Variants in COL4A3 observed in about 807,000 individuals in gnomAD.
COL4A3 encodes collagen type IV alpha 3 chain.
Under a neutral mutation model 217.4 loss-of-function variants are expected in COL4A3, and 135 were observed. The observed-to-expected ratio is 0.62, with a 90% confidence interval of 0.54 to 0.72. The LOEUF is 0.72. Among genes scored for constraint, COL4A3 ranks in the 30% least tolerant of loss-of-function variants. The pLI is 0.00. For synonymous variants in COL4A3, 690 were observed against 736.3 expected (o/e 0.94, Z 1.02); for missense variants, 1,868 against 2,119.9 (o/e 0.88, Z 2.33).
At chr2:227,311,023 C>A in intron 51 of COL4A3, 75 bp downstream of exon 51, 1 of 1,514,116 alleles carries the variant, frequency 6.6e-7, no homozygotes, top group South Asian at 1.1e-5. Context: ...GTTCTTGGGT[C>A]AACGAGTAGC....
chr2:227,170,669 A>G (rs144394374), intron 1 of COL4A3, among the ~76,000 whole-genome samples: 33 of 152,284 alleles, frequency 2.2e-4, no homozygotes, highest in African/African-American at 7.5e-4. Context: ...CAGCCAAACC[A>G]TATCACCAGC....
chr2:227,164,696 G>A lies in COL4A3; in HGVS notation c.-31G>A. Reference sequence around the variant, plus strand: ...TGGCCTGAGAGCCTGAGGGTCCCCGGACTCGCCCAGGCTCTGAGCGCGCGC... The same window carrying A: ...TGGCCTGAGAGCCTGAGGGTCCCCGAACTCGCCCAGGCTCTGAGCGCGCGC... On this transcript the variant is annotated 5_prime_UTR_variant, in exon 1 of 52. Coordinates refer to ENST00000396578, the MANE Select transcript of COL4A3 (RefSeq NM_000091.5). The surrounding 1 kb of genome is among the most constrained non-coding windows in gnomAD (Gnocchi z 4.8). 6.5e-7 allele frequency: 1 copy of A among 1,530,072 alleles called. No individual in the cohort carries two copies. Among genetic ancestry groups the A allele is most frequent in the Non-Finnish European group, 8.7e-7 (1 of 1,145,044 alleles). The allele number at this position is 1,530,072 out of a possible 1,614,324, so 94.8% of individuals were successfully genotyped here.
At chr2:227,222,121 T>TATA (rs2067821011) in intron 1 of COL4A3, among the ~76,000 whole-genome samples, 1 of 107,490 alleles carries the variant, frequency 9.3e-6, no homozygotes, top group South Asian at 3.5e-4. Context: ...AGACACTGTC[T>TATA]CTAATAATAA....
At chr2:227,279,724 G>T in intron 28 of COL4A3, 69 bp from the exon 29 acceptor site, 2 of 1,069,248 alleles carry the variant, frequency 1.9e-6, no homozygotes, top group South Asian at 2.9e-5. Flanking sequence ...TGAGAGATAA[G>T]AGAGTTACTG....
chr2:227,302,846 T>C (rs1231044822), intron 43 of COL4A3, among the ~76,000 whole-genome samples, 192 bp from the exon 44 acceptor site: 8 of 152,100 alleles, frequency 5.3e-5, no homozygotes, highest in South Asian at 4.1e-4. Flanking sequence ...TTTAAAACGA[T>C]AGTCCTAAGG....
intron 1 of COL4A3, among the ~76,000 whole-genome samples, chr2:227,207,567 T>C (rs1352052516): frequency 2.6e-5 from 4 of 152,136 alleles, no homozygotes; most frequent in Non-Finnish European, 5.9e-5. Context: ...TGCTTCACTT[T>C]TGGAGCAGAA....
rs1429805281 is a variant in COL4A3 at position 227,284,316 on chromosome 2, T to C, written c.2852T>C (p.Ile951Thr). The change falls in exon 34 of 52, where the codon ATA becomes ACA. Residue 951 changes from isoleucine to threonine, a missense_variant. By Grantham distance (89) the Ile-to-Thr change is moderately conservative. Around this residue, in one of 2 missense-constraint regions of COL4A3, gnomAD observed 1,503 missense variants for 1,786.1 expected, o/e 0.84. Coordinates refer to ENST00000396578, the MANE Select transcript of COL4A3 (RefSeq NM_000091.5). ...NPGPSEISHV[I>T]GDKGEPGLKG... ...GGGCCTTCAGAGATATCCCACGTAA[T>C]AGGGGACAAAGGAGAACCAGGTCTC... The C allele has an allele frequency of 2.5e-6, 4 of 1,613,804 alleles. No individual in the cohort carries two copies. The highest frequency in any genetic ancestry group is 1.7e-6 in the Non-Finnish European group (2 of 1,179,988).
In COL4A3 at chr2:227,282,703, G is replaced by A. The variant is rs762871444; in HGVS notation, c.2656+171G>A. On this transcript the variant is annotated intron_variant, in intron 32 of 51. Transcript: ENST00000396578. This position sits in a 1 kb window ranked among gnomAD's most constrained non-coding sequence, Gnocchi z 4.4. ...GGCCATGGTGCAGGGAAACGGTGGC[G>A]GCAGGATGAACAATTACCCAGAATG... Among the ~76,000 whole-genome samples, 12 of 152,242 alleles carry A rather than the reference G, an allele frequency of 7.9e-5. No individual in the cohort carries two copies. The highest frequency in any genetic ancestry group is 2.1e-4 in the South Asian group (1 of 4,822).
At chr2:227,215,920 A>G (rs1559834500) in intron 1 of COL4A3, among the ~76,000 whole-genome samples, 1 of 152,230 alleles carries the variant, frequency 6.6e-6, no homozygotes, top group Non-Finnish European at 1.5e-5. Flanking sequence ...GGGTGTTTAC[A>G]TGCTACAACA....
chr2:227,186,682 T>A (rs2066044604), intron 1 of COL4A3, among the ~76,000 whole-genome samples: 1 of 152,118 alleles, frequency 6.6e-6, no homozygotes, highest in Admixed American at 6.5e-5. Context: ...AGAGTGTAGA[T>A]CATCTGTTTT....
At chr2:227,295,976 T>C (rs966923108) in intron 41 of COL4A3, among the ~76,000 whole-genome samples, 2 of 152,240 alleles carry the variant, frequency 1.3e-5, no homozygotes, top group African/African-American at 4.8e-5. Flanking sequence ...GCACATTTCA[T>C]TGACCCGTCT....
At chr2:227,252,599 C>G (rs1574696155) in intron 11 of COL4A3, among the ~76,000 whole-genome samples, 1 of 145,704 alleles carries the variant, frequency 6.9e-6, no homozygotes, top group East Asian at 1.9e-4. Context: ...CACACACACA[C>G]ACACACACAC....
At chr2:227,241,314 A>C (rs747186280) in intron 3 of COL4A3, among the ~76,000 whole-genome samples, 5 of 152,212 alleles carry the variant, frequency 3.3e-5, no homozygotes. Context: ...AAACCAACTA[A>C]TAAGCTATGA....
rs188967260 is a variant in COL4A3 at position 227,269,921 on chromosome 2, G to A, written c.1516G>A (p.Ala506Thr). 9.2e-5 allele frequency: 149 copies of A among 1,613,822 alleles called. No homozygotes were observed. In the African/African-American group the frequency reaches 1.4e-3, roughly 15 times the overall value. The part of the protein sequence containing the change: ...GVKGIPGRQG[A>T]AGLKGSPGSP... Reference sequence around the variant, plus strand: ...TCGTTGATTTGCAGGAAGACAAGGCGCAGCTGGCTTGAAAGGAAGCCCAGG... The same window carrying A: ...TCGTTGATTTGCAGGAAGACAAGGCACAGCTGGCTTGAAAGGAAGCCCAGG... Residue 506 changes from alanine (A) to threonine (T), a missense_variant, in exon 24 of 52, where the codon GCA becomes ACA. Transcript: ENST00000396578.
At chr2:227,302,498 G>A (rs779323541) in intron 43 of COL4A3, among the ~76,000 whole-genome samples, 12 of 151,828 alleles carry the variant, frequency 7.9e-5, no homozygotes, top group South Asian at 6.2e-4. Context: ...CCAACATGGC[G>A]AAACCCTGTC....
At position 227,239,139 on chromosome 2, in the gene COL4A3, T is replaced by C. The variant is rs531328987; in HGVS notation, c.145-1004T>C. 1.3e-3 allele frequency among the ~76,000 whole-genome samples: 195 copies of C among 152,304 alleles called. 1 individual carries two copies. The highest frequency in any genetic ancestry group is 4.3e-3 in the African/African-American group (179 of 41,556). On this transcript the variant is annotated intron_variant, in intron 2 of 51. Transcript: ENST00000396578. ...GTTGAAGAGTACAGTCGGCCCTCCT[T>C]ATCCACGGTTTCTGAATCCTCAGAA... is the stretch of plus-strand genomic sequence containing the variant.
intron 14 of COL4A3, among the ~76,000 whole-genome samples, chr2:227,254,400 G>A (rs112377228): frequency 6.6e-5 from 10 of 152,024 alleles, no homozygotes; most frequent in Middle Eastern, 3.4e-3. Flanking sequence ...GTTATTTTAC[G>A]GCCACTCCTA....
rs1248227794 is a variant in COL4A3 at position 227,250,924 on chromosome 2, G to T, written c.547-216G>T. Among the ~76,000 whole-genome samples, 1 of 152,150 alleles carries T rather than the reference G, an allele frequency of 6.6e-6. No homozygotes were observed. Among genetic ancestry groups the T allele is most frequent in the Non-Finnish European group, 1.5e-5 (1 of 68,026 alleles). ...ACGTCTGAAGTAAAGCAACTACTTTGGTCATTTTAGAAATGTTATCGTCCA... is the reference window on the plus strand; with the variant it reads ...ACGTCTGAAGTAAAGCAACTACTTTTGTCATTTTAGAAATGTTATCGTCCA... On this transcript the variant is annotated intron_variant, in intron 9 of 51. Coordinates refer to ENST00000396578, the MANE Select transcript of COL4A3 (RefSeq NM_000091.5). The surrounding 1 kb of genome is among the most constrained non-coding windows in gnomAD (Gnocchi z 4.1).
In COL4A3 at chr2:227,191,642, T is replaced by G. The variant is rs2066246898; in HGVS notation, c.87+26829T>G. ...CCAAATAACTCATCTTGGAGACAGATGTAGCTGAAGTTTTACATTATGGCC... is the reference window on the plus strand; with the variant it reads ...CCAAATAACTCATCTTGGAGACAGAGGTAGCTGAAGTTTTACATTATGGCC... On this transcript the variant is annotated intron_variant, in intron 1 of 51. Transcript: ENST00000396578. The surrounding 1 kb of genome is among the most constrained non-coding windows in gnomAD (Gnocchi z 6.8). 6.6e-6 allele frequency among the ~76,000 whole-genome samples: 1 copy of G among 152,244 alleles called. No homozygotes were observed. Among genetic ancestry groups the G allele is most frequent in the Admixed American group, 6.5e-5 (1 of 15,288 alleles).
Sources: gnomAD v4.1 joint callset for allele counts (sites outside exome capture counted in the v4.1 genomes callset) on GRCh38, gnomAD v4.1.1 for gene constraint, gnomAD v4.1.1 regional missense constraint, Gnocchi (gnomAD v3.1) non-coding constraint, MANE v1.5 for transcripts, NCBI Gene and HGNC (gene_info 2026-07-23, HGNC 2026-07-21) for gene names.